Variants in CACNA2D2 observed in about 807,000 individuals in gnomAD.
CACNA2D2 encodes calcium voltage-gated channel auxiliary subunit alpha2delta 2, also known as voltage-dependent calcium channel subunit alpha-2/delta-2.
CACNA2D2 carries 48 observed loss-of-function variants against 166.4 expected under a neutral mutation model. The observed-to-expected ratio is 0.29, with a 90% confidence interval of 0.23 to 0.37. CACNA2D2 has a LOEUF of 0.37. Ranked by LOEUF, CACNA2D2 falls within the 10% of genes least tolerant of loss-of-function variation. The pLI, the probability that CACNA2D2 is intolerant of heterozygous loss-of-function variation, is 1.00. For synonymous variants in CACNA2D2, 561 were observed against 573.7 expected, an observed-to-expected ratio of 0.98 and a Z score of 0.32; for missense variants, 1,122 against 1,433.0, an observed-to-expected ratio of 0.78 and a Z score of 3.50.
intron 1 of CACNA2D2, among the ~76,000 whole-genome samples, chr3:50,496,815 C>G (rs958942090): frequency 6.6e-6 from 1 of 152,076 alleles, no homozygotes; most frequent in African/African-American, 2.4e-5. Flanking sequence ...TCAGTGCACA[C>G]GAAGAGGGGG....
Position 50,380,700 on chromosome 3 carries a change from T to G in CACNA2D2, c.842+48A>C, listed in dbSNP as rs1575604527. The G allele has an allele frequency of 7.1e-7, 1 of 1,399,862 alleles. No homozygotes were observed. 86.7% of individuals were successfully genotyped at this position (1,399,862 alleles called of 1,614,324 possible). A position where few individuals can be genotyped will look rare whatever the true frequency, so the allele number is the denominator to read the frequency against. On this transcript the variant is annotated intron_variant, in intron 8 of 37. Transcript: ENST00000424201. The surrounding 1 kb of genome is among the most constrained non-coding windows in gnomAD (Gnocchi z 4.9). ...GAGGGAGGGGAGCAGGCAGGAAAGGTGGGGAACTGAGGGGGTGTCCCTCCC... is the reference window on the plus strand; with the variant it reads ...GAGGGAGGGGAGCAGGCAGGAAAGGGGGGGAACTGAGGGGGTGTCCCTCCC...
At chr3:50,478,427 T>C (rs1262575817) in intron 1 of CACNA2D2, among the ~76,000 whole-genome samples, 1 of 152,108 alleles carries the variant, frequency 6.6e-6, no homozygotes, top group Non-Finnish European at 1.5e-5. Context: ...GAGGATCTGA[T>C]CCCCAAAGGG....
At chr3:50,451,289 C>A (rs138713036) in intron 2 of CACNA2D2, among the ~76,000 whole-genome samples, 144 of 152,236 alleles carry the variant, frequency 9.5e-4, no homozygotes, top group African/African-American at 3.4e-3. Context: ...CCATGCCCAG[C>A]TAATTTTTTG....
At chr3:50,475,326 C>T (rs922187836) in intron 2 of CACNA2D2, among the ~76,000 whole-genome samples, 1 of 152,134 alleles carries the variant, frequency 6.6e-6, no homozygotes, top group African/African-American at 2.4e-5. Context: ...GTTCCCGAGC[C>T]AACTCTCAGT....
chr3:50,364,934 G>C lies in CACNA2D2; in HGVS notation c.3245C>G (p.Pro1082Arg). The part of the protein sequence containing the change: ...GPEQCELVQR[P>R]RYRRGPHICF... Reference sequence around the variant, plus strand: ...GATGTGCGGGCCTCTCCGGTATCGCGGTCTCTGCACTAGCTCACACTGCTC... The same window carrying C: ...GATGTGCGGGCCTCTCCGGTATCGCCGTCTCTGCACTAGCTCACACTGCTC... Residue 1082 changes from proline (P) to arginine (R), a missense_variant, in exon 37 of 38, where the codon CCG (proline) becomes CGG (arginine). This residue lies in a region of CACNA2D2 where 282 missense variants were observed against 266.2 expected (regional missense o/e 1.06). Transcript: ENST00000424201. 1 of 1,613,296 alleles carries C rather than the reference G, an allele frequency of 6.2e-7. No homozygotes were observed. The highest frequency in any genetic ancestry group is 8.5e-7 in the Non-Finnish European group (1 of 1,179,872).
At chr3:50,409,055 G>C (rs1244357539) in intron 3 of CACNA2D2, among the ~76,000 whole-genome samples, 2 of 152,112 alleles carry the variant, frequency 1.3e-5, no homozygotes, top group East Asian at 1.9e-4. Context: ...ACTTTCTGAG[G>C]GAGAGACCCT....
rs768762529 is a variant in CACNA2D2 at position 50,367,353 on chromosome 3, G to A, written c.2401+41C>T. 22 of 1,568,108 alleles carry A rather than the reference G, an allele frequency of 1.4e-5. No homozygotes were observed. The highest frequency in any genetic ancestry group is 1.9e-5 in the Non-Finnish European group (22 of 1,140,292). ...CTGGCTGAGCAGACAGGGAAGCTGA[G>A]GCTCCCTGCCTGCTGCTGGGCACAC... is the stretch of plus-strand genomic sequence containing the variant. On this transcript the variant is annotated intron_variant, in intron 27 of 37. Transcript: ENST00000424201. This position sits in a 1 kb window ranked among gnomAD's most constrained non-coding sequence, Gnocchi z 6.5.
At chr3:50,383,246 C>A (rs774870967) in intron 6 of CACNA2D2, among the ~76,000 whole-genome samples, 2 of 152,166 alleles carry the variant, frequency 1.3e-5, no homozygotes, top group Non-Finnish European at 2.9e-5. Context: ...TCCTTCCCCA[C>A]CCTGGCCTGA....
chr3:50,416,918 G>A (rs1707289070), intron 3 of CACNA2D2, among the ~76,000 whole-genome samples: 1 of 152,224 alleles, frequency 6.6e-6, no homozygotes, highest in South Asian at 2.1e-4. Flanking sequence ...ATGATGGGCT[G>A]AGATGCACAT....
intron 3 of CACNA2D2, among the ~76,000 whole-genome samples, chr3:50,417,359 A>G (rs372562323): frequency 3.9e-4 from 59 of 152,266 alleles, no homozygotes; most frequent in African/African-American, 1.3e-3. Flanking sequence ...GCTGACAGAC[A>G]CCCTGCTTGT....
At chr3:50,402,175 G>A (rs1331512414) in intron 3 of CACNA2D2, among the ~76,000 whole-genome samples, 1 of 152,218 alleles carries the variant, frequency 6.6e-6, no homozygotes, top group Non-Finnish European at 1.5e-5. Context: ...AAAGAGGTCG[G>A]GTGTGTCCTG....
chr3:50,452,379 G>A (rs1220806904), intron 2 of CACNA2D2, among the ~76,000 whole-genome samples: 1 of 152,206 alleles, frequency 6.6e-6, no homozygotes, highest in Non-Finnish European at 1.5e-5. Flanking sequence ...GACCCTATCG[G>A]AGCTGGTGCC....
chr3:50,376,652 T>TA lies in CACNA2D2; in HGVS notation c.1627-465dup, dbSNP rs1705015533. ...GCTTCCCTTCCAGGTGGAAGGGAAGTAGGAGTAAGTGGGACCTGGACCTAG... is the reference window on the plus strand; with the variant it reads ...GCTTCCCTTCCAGGTGGAAGGGAAGTAAGGAGTAAGTGGGACCTGGACCTAG... On this transcript the variant is annotated intron_variant, in intron 17 of 37. Transcript: ENST00000424201. This position sits in a 1 kb window ranked among gnomAD's most constrained non-coding sequence, Gnocchi z 4.3. Among the ~76,000 whole-genome samples, 1 of 152,092 alleles carries TA rather than the reference T, an allele frequency of 6.6e-6. No individual in the cohort carries two copies.
intron 2 of CACNA2D2, among the ~76,000 whole-genome samples, chr3:50,468,455 T>G (rs1709927196): frequency 8.2e-6 from 1 of 121,534 alleles, no homozygotes; most frequent in Non-Finnish European, 1.7e-5. Context: ...TTAGGAAACT[T>G]TCACAGACAA....
intron 3 of CACNA2D2, among the ~76,000 whole-genome samples, chr3:50,419,282 G>C (rs925293686): frequency 2.0e-5 from 3 of 152,178 alleles, no homozygotes; most frequent in African/African-American, 7.2e-5. Flanking sequence ...ACGGATCACT[G>C]CCTCGGAAAG....
chr3:50,453,894 G>A (rs752085506), intron 2 of CACNA2D2, among the ~76,000 whole-genome samples: 18 of 152,140 alleles, frequency 1.2e-4, no homozygotes, highest in Admixed American at 7.2e-4. Context: ...GGTAGGTCAG[G>A]GAAGGGAGGT....
intron 22 of CACNA2D2, among the ~76,000 whole-genome samples, chr3:50,373,358 TCCCTCC>T (rs1362795909): frequency 6.7e-6 from 1 of 148,746 alleles, no homozygotes; most frequent in African/African-American, 2.5e-5. Flanking sequence ...AGCCCCAGCC[TCCCTCC>T]CAGTGACCTC....
At chr3:50,500,608 A>G (rs1698921678) in intron 1 of CACNA2D2, among the ~76,000 whole-genome samples, 1 of 152,154 alleles carries the variant, frequency 6.6e-6, no homozygotes, top group South Asian at 2.1e-4. Flanking sequence ...AAAAGGAGGC[A>G]GGTGAAAGGT....
At chr3:50,405,005 C>T (rs190038951) in intron 3 of CACNA2D2, among the ~76,000 whole-genome samples, 27 of 152,342 alleles carry the variant, frequency 1.8e-4, no homozygotes, top group African/African-American at 6.0e-4. Flanking sequence ...CCCAGCCCAA[C>T]CTCCAGGCTC....
Sources: allele counts gnomAD v4.1 joint callset (sites outside exome capture counted in the v4.1 genomes callset), GRCh38; gene constraint gnomAD v4.1.1; regional missense constraint gnomAD v4.1.1; non-coding constraint Gnocchi (gnomAD v3.1); transcripts MANE v1.5; gene names NCBI Gene and HGNC (gene_info 2026-07-23, HGNC 2026-07-21).